ZNF766: variants seen among roughly 807,000 people sequenced by gnomAD.
ZNF766 encodes zinc finger protein 766.
In ZNF766, 13 loss-of-function variants were observed where a neutral mutation model predicts 13.2. The ratio of observed to expected loss-of-function variants is 0.98; its 90% CI spans 0.64 to 1.56. ZNF766 has a LOEUF of 1.56. ZNF766 is among the 40% of genes most tolerant of loss of function. ZNF766 has a pLI of 0.00. For synonymous variants in ZNF766, 178 were observed against 187.6 expected (o/e 0.95, Z 0.42); for missense variants, 521 against 552.2 (o/e 0.94, Z 0.57).
At chr19:52,277,569 C>G in intron 1 of ZNF766, 1 of 1,550,172 alleles carries the variant, frequency 6.5e-7, no homozygotes, top group East Asian at 2.4e-5. Flanking sequence ...GTAGATTGTT[C>G]TGTTTCTTAT....
chr19:52,269,606 G>C lies in ZNF766; in HGVS notation c.-8G>C. 1 of 1,612,526 alleles carries C rather than the reference G, an allele frequency of 6.2e-7. No individual in the cohort carries two copies. Among genetic ancestry groups the C allele is most frequent in the Non-Finnish European group, 8.5e-7 (1 of 1,179,658 alleles). ...GCCTGCAGACCCGGAAGTGGATGGC[G>C]TGGAGATATGGCGCAACTGCGGCGC... On this transcript the variant is annotated 5_prime_UTR_variant, in exon 1 of 4. Transcript: ENST00000439461.
chr19:52,292,554 C>T lies in ZNF766; in HGVS notation c.*1356C>T, dbSNP rs1018537308. ...TTTAGCAAAGACTGATTAAAAAGTA[C>T]TCTGATTTTTCAAATGGAAGAGAGA... is the stretch of plus-strand genomic sequence containing the variant. On this transcript the variant is annotated 3_prime_UTR_variant, in exon 4 of 4. Transcript: ENST00000439461. 1.0e-5 allele frequency: 2 copies of T among 191,128 alleles called. No homozygotes were observed. Among genetic ancestry groups the T allele is most frequent in the African/African-American group, 4.7e-5 (2 of 42,988 alleles). 11.8% of individuals were successfully genotyped at this position (191,128 alleles called of 1,614,324 possible). A position where few individuals can be genotyped will look rare whatever the true frequency, so the allele number is the denominator to read the frequency against.
At chr19:52,289,979 T>C (rs1490256783) in intron 3 of ZNF766, 87 bp from the exon 4 acceptor site, 14 of 1,404,606 alleles carry the variant, frequency 1.0e-5, no homozygotes, top group African/African-American at 1.5e-5. Flanking sequence ...CCAGCCTGGG[T>C]GGCAAAGCCA....
At chr19:52,278,723 G>A (rs1035913326) in intron 1 of ZNF766, among the ~76,000 whole-genome samples, 1 of 152,090 alleles carries the variant, frequency 6.6e-6, no homozygotes, top group African/African-American at 2.4e-5. Flanking sequence ...ACTTTTTAAT[G>A]GGGTTTTCTC....
At chr19:52,285,727 A>C (rs1981783757) in intron 3 of ZNF766, among the ~76,000 whole-genome samples, 1 of 152,176 alleles carries the variant, frequency 6.6e-6, no homozygotes, top group South Asian at 2.1e-4. Flanking sequence ...GGTATACAGC[A>C]GGAACCTCTC....
Position 52,279,610 on chromosome 19 carries a change from C to G in ZNF766, c.19-2501C>G, listed in dbSNP as rs140627737. On this transcript the variant is annotated intron_variant, in intron 1 of 3. Coordinates refer to ENST00000439461, the MANE Select transcript of ZNF766 (RefSeq NM_001010851.3). The stretch of plus-strand genomic sequence containing the variant: ...AATGGGTTAGTGCAGTAGTATAAGC[C>G]TATAATTTGAGCTTCTTGGGAGGCT... Among the ~76,000 whole-genome samples the G allele has an allele frequency of 2.1e-3, 319 of 151,912 alleles. 6 individuals are homozygous for G. The East Asian group carries it at 0.023, about 11-fold the overall frequency.
rs949227883 is a variant in ZNF766 at position 52,292,724 on chromosome 19, G to A, written c.*1526G>A. 6.6e-6 allele frequency: 1 copy of A among 152,274 alleles called. No individual in the cohort carries two copies. 9.4% of individuals were successfully genotyped at this position (152,274 alleles called of 1,614,324 possible). On this transcript the variant is annotated 3_prime_UTR_variant, in exon 4 of 4. Coordinates refer to ENST00000439461, the MANE Select transcript of ZNF766 (RefSeq NM_001010851.3). ...ATAAAGTTGAAATTTTCCAAAGTGT[G>A]AATGATTTACCTTCTTTCTACCAAT...
At chr19:52,288,458 C>A (rs1201122261) in intron 3 of ZNF766, among the ~76,000 whole-genome samples, 3 of 152,158 alleles carry the variant, frequency 2.0e-5, no homozygotes, top group African/African-American at 4.8e-5. Flanking sequence ...GATCATAGAT[C>A]CTGGAATCCA....
chr19:52,276,976 G>C (rs1276758439), intron 1 of ZNF766, among the ~76,000 whole-genome samples: 1 of 152,070 alleles, frequency 6.6e-6, no homozygotes, highest in Non-Finnish European at 1.5e-5. Context: ...CTGAAGAAAG[G>C]GGCCAAAAGC....
Position 52,290,752 on chromosome 19 carries a change from C to A in ZNF766, c.961C>A (p.His321Asn). 1 of 1,613,896 alleles carries A rather than the reference C, an allele frequency of 6.2e-7. No individual in the cohort carries two copies. Among genetic ancestry groups the A allele is most frequent in the Non-Finnish European group, 8.5e-7 (1 of 1,179,880 alleles). Reference sequence around the variant, plus strand: ...ATACCTAGCACAACATTGGAGAATTCATACAGGAGAGAAACTTTACAAATG... The same window carrying A: ...ATACCTAGCACAACATTGGAGAATTAATACAGGAGAGAAACTTTACAAATG... ...SSYLAQHWRI[H>N]TGEKLYKCNK... Residue 321 changes from histidine (H) to asparagine (N), a missense_variant, in exon 4 of 4, where the codon CAT becomes AAT. Transcript: ENST00000439461.
chr19:52,278,754 C>A (rs1981340171), intron 1 of ZNF766, among the ~76,000 whole-genome samples: 1 of 152,098 alleles, frequency 6.6e-6, no homozygotes, highest in South Asian at 2.1e-4. Flanking sequence ...GCTTAAGTTC[C>A]TTGTAGATGC....
chr19:52,281,767 TATA>T, intron 1 of ZNF766: 1 of 489,664 alleles, frequency 2.0e-6, no homozygotes, highest in Non-Finnish European at 4.2e-6. Flanking sequence ...CCCACAATTC[TATA>T]GAAGTGTTAG....
At chr19:52,279,531 C>T (rs1981378213) in intron 1 of ZNF766, among the ~76,000 whole-genome samples, 1 of 151,836 alleles carries the variant, frequency 6.6e-6, no homozygotes, top group East Asian at 1.9e-4. Flanking sequence ...TCTCTGATTT[C>T]TTTGAGCAGT....
At chr19:52,275,723 C>G (rs532802713) in intron 1 of ZNF766, 1 of 150,276 alleles carries the variant, frequency 6.7e-6, no homozygotes, top group Non-Finnish European at 1.5e-5. Flanking sequence ...TCACCCAGGC[C>G]GGAGTGCAGT....
intron 3 of ZNF766, among the ~76,000 whole-genome samples, chr19:52,289,446 A>G (rs957296742): frequency 2.6e-5 from 4 of 152,028 alleles, no homozygotes; most frequent in African/African-American, 7.2e-5. Flanking sequence ...CACCTGGCCT[A>G]TGCAGCTGCT....
In ZNF766 at chr19:52,291,223, C is replaced by A. The variant is rs139420041; in HGVS notation, c.*25C>A. 2 of 1,534,420 alleles carry A rather than the reference C, an allele frequency of 1.3e-6. No homozygotes were observed. Among genetic ancestry groups the A allele is most frequent in the African/African-American group, 1.4e-5 (1 of 72,162 alleles). ...AGTTTGGCAAACTCTATCATAAGTTCTAGCAGTAATCAACATCCGAGAGTC... is the reference window on the plus strand; with the variant it reads ...AGTTTGGCAAACTCTATCATAAGTTATAGCAGTAATCAACATCCGAGAGTC... On this transcript the variant is annotated 3_prime_UTR_variant, in exon 4 of 4. Coordinates refer to ENST00000439461, the MANE Select transcript of ZNF766 (RefSeq NM_001010851.3).
chr19:52,277,180 C>A, intron 1 of ZNF766: 1 of 1,144,126 alleles, frequency 8.7e-7, no homozygotes, highest in Non-Finnish European at 1.1e-6. Context: ...GTCATGTTGG[C>A]CGGGCGCGGG....
chr19:52,281,309 A>G, intron 1 of ZNF766: 1 of 211,056 alleles, frequency 4.7e-6, no homozygotes, highest in Non-Finnish European at 9.8e-6. Context: ...GCATGAGGTC[A>G]GGAGTTCAAG....
intron 3 of ZNF766, among the ~76,000 whole-genome samples, chr19:52,288,553 A>G (rs10416973): frequency 0.18 from 27,780 of 151,276 alleles, 2,562 homozygotes; most frequent in East Asian, 0.27. Flanking sequence ...AATTTATTTT[A>G]TTTTATTTAT....
Sources: gnomAD v4.1 joint callset for allele counts (sites outside exome capture counted in the v4.1 genomes callset) on GRCh38, gnomAD v4.1.1 for gene constraint, MANE v1.5 for transcripts, NCBI Gene and HGNC (gene_info 2026-07-23, HGNC 2026-07-21) for gene names.